The following UHRF2 variants were observed in gnomAD, a reference collection of about 807,000 sequenced individuals.
UHRF2 encodes E3 ubiquitin-protein ligase UHRF2.
Under a neutral mutation model 96.8 loss-of-function variants are expected in UHRF2, and 23 were observed. The ratio of observed to expected loss-of-function variants is 0.24; its 90% CI spans 0.17 to 0.34. UHRF2 has a LOEUF of 0.34. UHRF2 is among the 10% of genes least tolerant of loss of function. The probability of loss-of-function intolerance (pLI) is 1.00; values close to 1 mark genes in which losing one functional copy is unlikely to be tolerated. For synonymous variants in UHRF2, 385 were observed against 332.6 expected (o/e 1.16, Z -1.72); for missense variants, 685 against 981.5 (o/e 0.70, Z 4.04).
chr9:6,499,969 A>G (rs758630054), intron 13 of UHRF2, 38 bp downstream of exon 13: 10 of 1,436,760 alleles, frequency 7.0e-6, no homozygotes, highest in Non-Finnish European at 9.6e-7. Flanking sequence ...ATAATAACAT[A>G]CTTTTGTTGT....
intron 1 of UHRF2, among the ~76,000 whole-genome samples, chr9:6,420,048 C>T (rs1819836995): frequency 6.6e-6 from 1 of 151,746 alleles, no homozygotes; most frequent in Admixed American, 6.6e-5. Context: ...GGAGCCCAGC[C>T]TCCCCCGCCA....
chr9:6,419,399 T>C (rs1027004505), intron 1 of UHRF2, among the ~76,000 whole-genome samples: 1 of 152,156 alleles, frequency 6.6e-6, no homozygotes, highest in Non-Finnish European at 1.5e-5. Flanking sequence ...TGCAGATCGA[T>C]AGAATTAGAG....
intron 3 of UHRF2, among the ~76,000 whole-genome samples, chr9:6,455,723 G>T (rs1822136501): frequency 6.6e-6 from 1 of 152,176 alleles, no homozygotes; most frequent in Non-Finnish European, 1.5e-5. Context: ...GATTGCTTAT[G>T]CCTGTAATCC....
At position 6,413,354 on chromosome 9, in the gene UHRF2, C is replaced by T. The variant is rs959620258; in HGVS notation, c.-137C>T. On this transcript the variant is annotated 5_prime_UTR_variant, in exon 1 of 16. Coordinates refer to ENST00000276893, the MANE Select transcript of UHRF2 (RefSeq NM_152896.3). ...GTCGCCGCCTGTCGGGCCCGGCGTCCGGTCGGTCCGGTGGGCGCGCTCGCC... is the reference window on the plus strand; with the variant it reads ...GTCGCCGCCTGTCGGGCCCGGCGTCTGGTCGGTCCGGTGGGCGCGCTCGCC... The T allele has an allele frequency of 4.6e-6, 4 of 871,850 alleles. No homozygotes were observed. The East Asian group carries it at 1.5e-4, about 33-fold the overall frequency. 54.0% of individuals were successfully genotyped at this position (871,850 alleles called of 1,614,324 possible).
At chr9:6,472,100 C>G (rs892755841) in intron 4 of UHRF2, among the ~76,000 whole-genome samples, 1 of 152,176 alleles carries the variant, frequency 6.6e-6, no homozygotes, top group African/African-American at 2.4e-5. Context: ...ATGTTTTCAT[C>G]ACTCCCAAAA....
intron 9 of UHRF2, among the ~76,000 whole-genome samples, chr9:6,490,964 C>A (rs1347282348): frequency 1.3e-5 from 2 of 152,162 alleles, no homozygotes; most frequent in African/African-American, 4.8e-5. Flanking sequence ...AAAAAAGTTT[C>A]CTGAATTCTT....
At chr9:6,423,890 A>G (rs1202379681) in intron 2 of UHRF2, among the ~76,000 whole-genome samples, 1 of 152,162 alleles carries the variant, frequency 6.6e-6, no homozygotes, top group Non-Finnish European at 1.5e-5. Flanking sequence ...GGTTGCAGTG[A>G]GCCAAGATTG....
At chr9:6,478,369 TAC>T (rs1215985948) in intron 6 of UHRF2, among the ~76,000 whole-genome samples, 3 of 152,226 alleles carry the variant, frequency 2.0e-5, no homozygotes, top group African/African-American at 7.2e-5. Context: ...GATGGTCCTC[TAC>T]CCCTAACCAT....
intron 12 of UHRF2, chr9:6,499,148 A>G (rs1825128300): frequency 6.6e-6 from 1 of 152,240 alleles, no homozygotes; most frequent in South Asian, 2.1e-4. Flanking sequence ...TGTGAGCAGA[A>G]GCATGTGAGC....
chr9:6,478,045 T>G (rs778740324), intron 6 of UHRF2, among the ~76,000 whole-genome samples: 2 of 152,202 alleles, frequency 1.3e-5, no homozygotes, highest in Admixed American at 1.3e-4. Flanking sequence ...CTGTGTTCAT[T>G]CAAAAATGCA....
At chr9:6,459,146 C>T (rs1170470668) in intron 3 of UHRF2, among the ~76,000 whole-genome samples, 1 of 152,114 alleles carries the variant, frequency 6.6e-6, no homozygotes, top group African/African-American at 2.4e-5. Context: ...CAGCAAACCA[C>T]CGTGGCACCT....
intron 2 of UHRF2, among the ~76,000 whole-genome samples, chr9:6,432,933 C>T (rs1240270799): frequency 6.6e-6 from 1 of 152,182 alleles, no homozygotes; most frequent in East Asian, 1.9e-4. Context: ...CTCCACCTCC[C>T]GGGTTCAAGT....
chr9:6,506,155 C>T lies in UHRF2; in HGVS notation c.2385C>T (p.Phe795=). ...EILQTLLDLF[F]PGYSKGR is the part of the protein sequence containing the mutation. ...TGCAGACTCTACTTGACCTTTTCTT[C>T]CCTGGCTACAGCAAAGGACGATGAT... The change falls in exon 16 of 16, where the codon TTC becomes TTT. Residue 795 remains phenylalanine (F), a synonymous_variant. Coordinates refer to ENST00000276893, the MANE Select transcript of UHRF2 (RefSeq NM_152896.3). 1.2e-6 allele frequency: 2 copies of T among 1,614,090 alleles called. No homozygotes were observed. The highest frequency in any genetic ancestry group is 1.7e-6 in the Non-Finnish European group (2 of 1,180,004).
intron 3 of UHRF2, among the ~76,000 whole-genome samples, chr9:6,447,834 A>G (rs996037778): frequency 6.6e-6 from 1 of 152,220 alleles, no homozygotes; most frequent in East Asian, 1.9e-4. Context: ...GAAGCCAACA[A>G]ACAAAGCAAG....
rs567578091 is a variant in UHRF2 at position 6,437,239 on chromosome 9, A to C, written c.644+3066A>C. ...TAATAAGCAGATTTTTTATTTTATT[A>C]TTATTATTTTTTAGACAGAGTCTCG... On this transcript the variant is annotated intron_variant, in intron 3 of 15. Transcript: ENST00000276893. Among the ~76,000 whole-genome samples the C allele has an allele frequency of 1.1e-4, 16 of 152,260 alleles. No homozygotes were observed. In the South Asian group the frequency reaches 2.7e-3, roughly 26 times the overall value.
intron 8 of UHRF2, among the ~76,000 whole-genome samples, chr9:6,486,346 A>G (rs1824289178): frequency 6.6e-6 from 1 of 152,188 alleles, no homozygotes; most frequent in African/African-American, 2.4e-5. Context: ...CCTTGTAACC[A>G]AAAGGGTTTG....
chr9:6,459,883 G>A (rs993205538), intron 3 of UHRF2, among the ~76,000 whole-genome samples: 9 of 152,154 alleles, frequency 5.9e-5, no homozygotes, highest in Admixed American at 6.6e-5. Flanking sequence ...TCAGGCTCGG[G>A]GATTTCTTGA....
intron 14 of UHRF2, among the ~76,000 whole-genome samples, chr9:6,502,491 T>G (rs1331258379): frequency 1.3e-5 from 2 of 152,248 alleles, no homozygotes; most frequent in African/African-American, 4.8e-5. Context: ...GGTTACTATG[T>G]TGCCCAGACT....
chr9:6,502,490 G>A (rs1816348998), intron 14 of UHRF2, among the ~76,000 whole-genome samples: 1 of 152,188 alleles, frequency 6.6e-6, no homozygotes, highest in South Asian at 2.1e-4. Context: ...GGGTTACTAT[G>A]TTGCCCAGAC....
Sources: allele counts gnomAD v4.1 joint callset (sites outside exome capture counted in the v4.1 genomes callset), GRCh38; gene constraint gnomAD v4.1.1; transcripts MANE v1.5; gene names NCBI Gene and HGNC (gene_info 2026-07-23, HGNC 2026-07-21).